The following TMLHE variants were observed in gnomAD, a reference collection of about 807,000 sequenced individuals.
TMLHE encodes trimethyllysine hydroxylase, epsilon.
In TMLHE, 18 loss-of-function variants were observed where a neutral mutation model predicts 25.7. That is an observed-to-expected ratio of 0.70 (90% CI 0.48 to 1.04). The LOEUF (loss-of-function observed/expected upper bound fraction) is 1.04. Among genes scored for constraint, TMLHE ranks in the 50% least tolerant of loss-of-function variants. TMLHE has a pLI of 0.00. For missense variants in TMLHE, 236 were observed against 259.0 expected, an observed-to-expected ratio of 0.91 and a Z score of 0.61; for synonymous variants, 105 against 97.0, an observed-to-expected ratio of 1.08 and a Z score of -0.49.
At chrX:155,561,551 A>G (rs1480449571) in intron 1 of TMLHE, among the ~76,000 whole-genome samples, 1 of 61,560 alleles carries the variant, frequency 1.6e-5, no homozygotes, top group African/African-American at 3.6e-5. Flanking sequence ...TGCCTTCCCA[A>G]CAGCCCCCAA....
chrX:155,535,832 A>G (rs2067275932), intron 2 of TMLHE, among the ~76,000 whole-genome samples: 1 of 111,668 alleles, frequency 9.0e-6, no homozygotes, highest in African/African-American at 3.3e-5. Flanking sequence ...ATAAAGACCA[A>G]TCTCCTCAAG....
chrX:155,541,965 T>C (rs2067315545), intron 2 of TMLHE, among the ~76,000 whole-genome samples: 2 of 110,786 alleles, frequency 1.8e-5, no homozygotes, highest in African/African-American at 3.3e-5. Flanking sequence ...GATGGATAGA[T>C]TGCAAAAATT....
intron 1 of TMLHE, among the ~76,000 whole-genome samples, chrX:155,574,351 A>G (rs1251911238): frequency 8.9e-6 from 1 of 112,028 alleles, no homozygotes; most frequent in East Asian, 2.8e-4. Flanking sequence ...TTGTCCACAC[A>G]GAAAGTAAGA....
At chrX:155,590,909 A>G (rs1047695226) in intron 1 of TMLHE, among the ~76,000 whole-genome samples, 2 of 111,106 alleles carry the variant, frequency 1.8e-5, no homozygotes, top group Non-Finnish European at 3.8e-5. Context: ...CAAAAGGGAG[A>G]AACTATCAGG....
chrX:155,547,344 C>G (rs782461212), intron 1 of TMLHE, among the ~76,000 whole-genome samples: 1 of 108,428 alleles, frequency 9.2e-6, no homozygotes, highest in East Asian at 2.9e-4. Flanking sequence ...CGGGGTTTCA[C>G]CGTGTTAGCC....
rs1475444695 is a variant in TMLHE at position 155,571,043 on chromosome X, G to A, written c.-1-25766C>T. On this transcript the variant is annotated intron_variant, in intron 1 of 7. Transcript: ENST00000334398. ...CTCTTCAAAAAATTAATGAATCCAG[G>A]AGCTGGTTTTTTGAAAGGATCAACA... Among the ~76,000 whole-genome samples, 8 of 56,802 alleles carry A rather than the reference G, an allele frequency of 1.4e-4. 2 individuals carry two copies. Among genetic ancestry groups the A allele is most frequent in the African/African-American group, 2.5e-4 (6 of 23,732 alleles). The allele number at this position is 56,802 out of a possible 115,157, so 49.3% of individuals were successfully genotyped here.
At chrX:155,548,084 A>G (rs1274964087) in intron 1 of TMLHE, among the ~76,000 whole-genome samples, 2 of 111,868 alleles carry the variant, frequency 1.8e-5, no homozygotes, top group Non-Finnish European at 3.8e-5. Flanking sequence ...GCCATATACA[A>G]AAAATACAAT....
intron 1 of TMLHE, among the ~76,000 whole-genome samples, chrX:155,585,972 C>T (rs192223122): frequency 5.4e-4 from 60 of 111,326 alleles, no homozygotes; most frequent in Admixed American, 5.0e-3. Context: ...GCCTTTAATC[C>T]CAGCACTTTG....
intron 1 of TMLHE, among the ~76,000 whole-genome samples, chrX:155,596,475 C>T (rs782621414): frequency 2.7e-5 from 3 of 111,082 alleles, no homozygotes; most frequent in Admixed American, 9.6e-5. Context: ...CTTTAAGGCT[C>T]ATTACACCCA....
rs1557341193 is a variant in TMLHE at position 155,558,412 on chromosome X, A to AT, written c.-1-13136dup. 2.1e-4 allele frequency among the ~76,000 whole-genome samples: 24 copies of AT among 111,887 alleles called. 1 individual carries two copies. The highest frequency in any genetic ancestry group is 3.0e-4 in the Non-Finnish European group (16 of 53,074). ...TTTCTTCTTAATACATTATGTTGAAATGATATGTTTATATGTCTTTCCCCC... is the reference window on the plus strand; with the variant it reads ...TTTCTTCTTAATACATTATGTTGAAATTGATATGTTTATATGTCTTTCCCCC... On this transcript the variant is annotated intron_variant, in intron 1 of 7. Coordinates refer to ENST00000334398, the MANE Select transcript of TMLHE (RefSeq NM_018196.4).
In TMLHE at chrX:155,550,868, G is replaced by A. The variant is rs1603053681; in HGVS notation, c.-1-5591C>T. Among the ~76,000 whole-genome samples, 4 of 110,886 alleles carry A rather than the reference G, an allele frequency of 3.6e-5. No individual in the cohort carries two copies. The South Asian group carries it at 1.5e-3, about 42-fold the overall frequency. ...TATGTCATCAAAGCAGGTTAAAAAC[G>A]AGGGGAAAAGCCATTTTTTTCTTCA... On this transcript the variant is annotated intron_variant, in intron 1 of 7. Coordinates refer to ENST00000334398, the MANE Select transcript of TMLHE (RefSeq NM_018196.4).
chrX:155,573,505 A>G (rs1270212193), intron 1 of TMLHE, among the ~76,000 whole-genome samples: 1 of 56,567 alleles, frequency 1.8e-5, no homozygotes, highest in African/African-American at 4.2e-5. Flanking sequence ...AGGATTATAA[A>G]TCATGCTGCT....
intron 1 of TMLHE, among the ~76,000 whole-genome samples, chrX:155,604,209 C>T (rs2067773714): frequency 9.1e-6 from 1 of 110,476 alleles, no homozygotes; most frequent in African/African-American, 3.3e-5. Context: ...GTGGAGCTCC[C>T]AGAGGCAAAT....
At chrX:155,557,772 T>C (rs182167970) in intron 1 of TMLHE, among the ~76,000 whole-genome samples, 97 of 111,310 alleles carry the variant, frequency 8.7e-4, no homozygotes, top group Non-Finnish European at 2.3e-4. Flanking sequence ...ATTCAACCAG[T>C]TGCGTAACTC....
chrX:155,588,424 C>A (rs2067676855), intron 1 of TMLHE, among the ~76,000 whole-genome samples: 1 of 111,363 alleles, frequency 9.0e-6, no homozygotes, highest in South Asian at 3.8e-4. Flanking sequence ...AAACATTGGT[C>A]TAGGTAAAGA....
intron 1 of TMLHE, among the ~76,000 whole-genome samples, chrX:155,594,326 C>A (rs2067709534): frequency 9.0e-6 from 1 of 111,244 alleles, no homozygotes; most frequent in South Asian, 3.8e-4. Flanking sequence ...GGAAACCCAG[C>A]AACCAAGATT....
At chrX:155,584,018 A>T (rs1440686073) in intron 1 of TMLHE, among the ~76,000 whole-genome samples, 3 of 111,630 alleles carry the variant, frequency 2.7e-5, no homozygotes, top group Non-Finnish European at 3.8e-5. Flanking sequence ...AATCAAAAAG[A>T]TATTCACAAA....
At chrX:155,581,250 T>A (rs1165631415) in intron 1 of TMLHE, among the ~76,000 whole-genome samples, 1 of 111,491 alleles carries the variant, frequency 9.0e-6, no homozygotes. Context: ...AGCATTCCCT[T>A]TGAAAACTGG....
chrX:155,514,894 C>A (rs1557334511), intron 3 of TMLHE, among the ~76,000 whole-genome samples: 1 of 111,487 alleles, frequency 9.0e-6, no homozygotes, highest in African/African-American at 3.3e-5. Context: ...GCTGTGCACA[C>A]CCCACCCAAA....
Sources: allele counts gnomAD v4.1 joint callset (sites outside exome capture counted in the v4.1 genomes callset), GRCh38; gene constraint gnomAD v4.1.1; transcripts MANE v1.5; gene names NCBI Gene and HGNC (gene_info 2026-07-23, HGNC 2026-07-21).